Variants in ADAM20 observed in about 807,000 individuals in gnomAD.
ADAM20 encodes the protein ADAM metallopeptidase domain 20.
For synonymous variants in ADAM20, 305 were observed against 310.2 expected (o/e 0.98, Z 0.18); for missense variants, 871 against 883.2 (o/e 0.99, Z 0.18).
Position 70,524,052 on chromosome 14 carries a change from T to TA in ADAM20, c.705dup (p.Asn236Ter). On this transcript the variant is annotated frameshift_variant, in exon 2 of 2. Transcript: ENST00000256389. LOFTEE classifies it low-confidence loss of function (END_TRUNC). ...AAGGAATCCACTATATTGACAACGTTAAATACTTCATGCTGCACTGTTGTT... is the reference window on the plus strand; with the variant it reads ...AAGGAATCCACTATATTGACAACGTTAAAATACTTCATGCTGCACTGTTGTT... The TA allele has an allele frequency of 1.2e-6, 2 of 1,613,924 alleles. No individual in the cohort carries two copies. Among genetic ancestry groups the TA allele is most frequent in the Non-Finnish European group, 1.7e-6 (2 of 1,179,936 alleles).
the ADAM20 span, among the ~76,000 whole-genome samples, chr14:70,559,931 A>T: frequency 6.6e-6 from 1 of 152,334 alleles, no homozygotes; most frequent in African/African-American, 2.4e-5. Flanking sequence ...CAAGATAGGG[A>T]GGTTATTCTT....
chr14:70,538,794 C>T (rs1279488433), upstream of ADAM20, among the ~76,000 whole-genome samples: 2 of 152,044 alleles, frequency 1.3e-5, no homozygotes, highest in African/African-American at 2.4e-5. Flanking sequence ...TTTTCCTAGC[C>T]CTGTTTTGTT....
chr14:70,541,806 A>G, the ADAM20 span, among the ~76,000 whole-genome samples: 1 of 152,238 alleles, frequency 6.6e-6, no homozygotes, highest in Non-Finnish European at 1.5e-5. Flanking sequence ...AGTAATAATT[A>G]CACTATACAT....
the ADAM20 span, among the ~76,000 whole-genome samples, chr14:70,579,376 T>C: frequency 6.6e-6 from 1 of 152,196 alleles, no homozygotes. Context: ...ATAGCCATCC[T>C]GACTGACATG....
the ADAM20 span, among the ~76,000 whole-genome samples, chr14:70,575,990 C>A: frequency 6.6e-6 from 1 of 152,096 alleles, no homozygotes; most frequent in Non-Finnish European, 1.5e-5. Context: ...ATACAACAGA[C>A]TAAAGCTTAC....
At chr14:70,553,971 A>C in the ADAM20 span, among the ~76,000 whole-genome samples, 5 of 152,340 alleles carry the variant, frequency 3.3e-5, no homozygotes, top group Non-Finnish European at 5.9e-5. Context: ...AAGGGCATCC[A>C]AACTGGAAAG....
the ADAM20 span, among the ~76,000 whole-genome samples, chr14:70,545,685 C>T: frequency 3.6e-3 from 546 of 152,262 alleles, 3 homozygotes; most frequent in African/African-American, 0.013. Flanking sequence ...AATATATATG[C>T]ACCTAACACT....
rs1595016413 is a variant in ADAM20 at position 70,524,786 on chromosome 14, T to C, written c.-29A>G. 1 of 1,613,688 alleles carries C rather than the reference T, an allele frequency of 6.2e-7. No homozygotes were observed. Among genetic ancestry groups the C allele is most frequent in the South Asian group, 1.1e-5 (1 of 91,068 alleles). ...GAAGCTGTCATTATGGAGCCATCTG[T>C]CTAGAGCAGAAGAGAACAAGGTGTG... On this transcript the variant is annotated 5_prime_UTR_variant, in exon 2 of 2. Coordinates refer to ENST00000256389, the MANE Select transcript of ADAM20 (RefSeq NM_003814.5).
chr14:70,522,538 G>A lies in ADAM20; in HGVS notation c.*39C>T. 1 of 1,468,006 alleles carries A rather than the reference G, an allele frequency of 6.8e-7. No individual in the cohort carries two copies. Among genetic ancestry groups the A allele is most frequent in the Non-Finnish European group, 9.0e-7 (1 of 1,108,540 alleles). The allele number at this position is 1,468,006 out of a possible 1,614,324, so 90.9% of individuals were successfully genotyped here. Reference sequence around the variant, plus strand: ...TATTAAAAAATTGGATATTAAAAATGAAGTATAAAGTTTAGTCTCCTTCTT... The same window carrying A: ...TATTAAAAAATTGGATATTAAAAATAAAGTATAAAGTTTAGTCTCCTTCTT... On this transcript the variant is annotated 3_prime_UTR_variant, in exon 2 of 2. Coordinates refer to ENST00000256389, the MANE Select transcript of ADAM20 (RefSeq NM_003814.5).
At chr14:70,529,190 C>CA (rs1883656220) in intron 1 of ADAM20, among the ~76,000 whole-genome samples, 1 of 152,108 alleles carries the variant, frequency 6.6e-6, no homozygotes. Context: ...ATGGACCTAA[C>CA]AAACACACAC....
rs150979737 is a variant in ADAM20 at position 70,524,320 on chromosome 14, C to T, written c.438G>A (p.Lys146=). ...CAAATGTGGCAGAAACACTAATTGG[C>T]TTGATTTCATAAACAAGGTCATTTA... The part of the protein sequence containing the change: ...LQINDLVYEI[K]PISVSATFEH... The change falls in exon 2 of 2, where the codon AAG becomes AAA. Residue 146 remains lysine, a synonymous_variant. Coordinates refer to ENST00000256389, the MANE Select transcript of ADAM20 (RefSeq NM_003814.5). The T allele has an allele frequency of 3.2e-5, 51 of 1,614,026 alleles. No individual in the cohort carries two copies. In the African/African-American group the frequency reaches 4.1e-4, roughly 13 times the overall value.
chr14:70,575,014 G>C, the ADAM20 span, among the ~76,000 whole-genome samples: 3 of 151,944 alleles, frequency 2.0e-5, no homozygotes, highest in Non-Finnish European at 4.4e-5. Flanking sequence ...GCAGAGAGTA[G>C]AATGGCAGTT....
chr14:70,523,424 GC>G lies in ADAM20; in HGVS notation c.1333del (p.Ala445LeufsTer55). The G allele has an allele frequency of 1.2e-6, 2 of 1,614,022 alleles. No homozygotes were observed. The highest frequency in any genetic ancestry group is 1.7e-6 in the Non-Finnish European group (2 of 1,179,962). On this transcript the variant is annotated frameshift_variant, in exon 2 of 2. Coordinates refer to ENST00000256389, the MANE Select transcript of ADAM20 (RefSeq NM_003814.5). LOFTEE classifies it low-confidence loss of function (END_TRUNC). ...GCAACATATTCCAAAAGCACAAGCA[GC>G]CCCAGGATGTAGAGTACAGTTTAAC... ...CLLNCTLHPG[A>X]ACAFGICCKD...
the ADAM20 span, among the ~76,000 whole-genome samples, chr14:70,574,594 C>A: frequency 1.3e-5 from 2 of 151,434 alleles, no homozygotes; most frequent in African/African-American, 4.9e-5. Context: ...GAGCCGAGAT[C>A]GCACCACTGC....
At chr14:70,534,653 G>T (rs1292999311) in intron 1 of ADAM20, 144 bp downstream of exon 1, 2 of 152,130 alleles carry the variant, frequency 1.3e-5, no homozygotes, top group Non-Finnish European at 2.9e-5. Context: ...TTAGTTGCCA[G>T]GTGCTGAGGG....
At chr14:70,567,083 A>C in the ADAM20 span, among the ~76,000 whole-genome samples, 1 of 152,128 alleles carries the variant, frequency 6.6e-6, no homozygotes, top group African/African-American at 2.4e-5. Context: ...ACCTAGGGCA[A>C]AGCTATCGGT....
Position 70,523,913 on chromosome 14 carries a change from C to T in ADAM20, c.845G>A (p.Trp282Ter). 6.2e-7 allele frequency: 1 copy of T among 1,613,930 alleles called. No homozygotes were observed. The highest frequency in any genetic ancestry group is 1.1e-5 in the South Asian group (1 of 91,058). ...LDNVLEDFSI[W>*]KNYNLNNRLQ... is the part of the protein sequence containing the mutation. ...TCGATTATTAAGGTTATAATTCTTC[C>T]AAATAGAAAAGTCCTCTAAAACATT... Residue 282 changes from tryptophan to a stop codon, truncating the protein, a stop_gained, in exon 2 of 2, where the codon TGG becomes TAG. Transcript: ENST00000256389. LOFTEE classifies it low-confidence loss of function (END_TRUNC).
At chr14:70,564,733 G>A in the ADAM20 span, among the ~76,000 whole-genome samples, 4 of 130,148 alleles carry the variant, frequency 3.1e-5, no homozygotes, top group South Asian at 7.5e-4. Flanking sequence ...AGAGATAGAC[G>A]CAATTTTTTT....
At chr14:70,527,894 C>T (rs10144289) in intron 1 of ADAM20, among the ~76,000 whole-genome samples, 59,306 of 152,126 alleles carry the variant, frequency 0.39, 15,146 homozygotes, top group African/African-American at 0.72. Context: ...TTGTTCATGC[C>T]CTACCCTTAT....
Sources: gnomAD v4.1 joint callset for allele counts (sites outside exome capture counted in the v4.1 genomes callset) on GRCh38, gnomAD v4.1.1 for gene constraint, MANE v1.5 for transcripts, NCBI Gene and HGNC (gene_info 2026-07-23, HGNC 2026-07-21) for gene names.